ROBO2: variants seen among roughly 807,000 people sequenced by gnomAD.
The protein encoded by ROBO2 is roundabout homolog 2.
Under a neutral mutation model 160.8 loss-of-function variants are expected in ROBO2, and 53 were observed. That is an observed-to-expected ratio of 0.33 (90% CI 0.26 to 0.41). The LOEUF is 0.41. Ranked by LOEUF, ROBO2 falls within the 10% of genes least tolerant of loss-of-function variation. The pLI, the probability that ROBO2 is intolerant of heterozygous loss-of-function variation, is 1.00. For missense variants in ROBO2, 1,577 were observed against 1,722.4 expected (o/e 0.92, Z 1.49); for synonymous variants, 664 against 611.7 (o/e 1.09, Z -1.26).
intron 2 of ROBO2, among the ~76,000 whole-genome samples, chr3:75,962,411 G>A (rs546340444): frequency 6.6e-6 from 1 of 151,960 alleles, no homozygotes; most frequent in Middle Eastern, 3.4e-3. Flanking sequence ...CCAATAATGT[G>A]TTCTAGGTCT....
intron 2 of ROBO2, among the ~76,000 whole-genome samples, chr3:76,465,456 T>G (rs1400866040): frequency 6.6e-6 from 1 of 152,000 alleles, no homozygotes; most frequent in Non-Finnish European, 1.5e-5. Context: ...CCATAAGCCA[T>G]TGTATTTTGC....
chr3:77,240,570 C>T (rs2088882917), intron 2 of ROBO2, among the ~76,000 whole-genome samples: 1 of 152,154 alleles, frequency 6.6e-6, no homozygotes, highest in South Asian at 2.1e-4. Flanking sequence ...TCAAGCGTGG[C>T]CAGAGCGGAC....
At chr3:76,125,382 A>G (rs1047815894) in intron 2 of ROBO2, among the ~76,000 whole-genome samples, 2 of 152,146 alleles carry the variant, frequency 1.3e-5, no homozygotes, top group Non-Finnish European at 1.5e-5. Context: ...TTGCTGGGTC[A>G]AATGGTAGCT....
At chr3:77,294,799 T>A (rs1365911274) in intron 2 of ROBO2, among the ~76,000 whole-genome samples, 1 of 150,568 alleles carries the variant, frequency 6.6e-6, no homozygotes, top group Non-Finnish European at 1.5e-5. Flanking sequence ...ACGGGTAAGC[T>A]GAGGCTAGAT....
At chr3:77,192,614 G>T (rs2081956298) in intron 2 of ROBO2, among the ~76,000 whole-genome samples, 1 of 148,442 alleles carries the variant, frequency 6.7e-6, no homozygotes, top group Admixed American at 6.7e-5. Context: ...CATTAAATTT[G>T]GAAAATCTTT....
intron 24 of ROBO2, among the ~76,000 whole-genome samples, chr3:77,643,185 A>G (rs970515687): frequency 6.6e-6 from 1 of 152,094 alleles, no homozygotes; most frequent in African/African-American, 2.4e-5. Context: ...GCTTCATCTA[A>G]ACGGCTCAGT....
At chr3:76,604,899 A>G (rs1205345818) in intron 2 of ROBO2, among the ~76,000 whole-genome samples, 1 of 152,196 alleles carries the variant, frequency 6.6e-6, no homozygotes, top group East Asian at 1.9e-4. Flanking sequence ...AAGTAATCAA[A>G]TAGATAGCTT....
At chr3:76,446,404 T>C (rs1383286565) in intron 2 of ROBO2, among the ~76,000 whole-genome samples, 1 of 152,128 alleles carries the variant, frequency 6.6e-6, no homozygotes, top group Non-Finnish European at 1.5e-5. Context: ...CACAAACAAG[T>C]GGAAGAACAT....
At chr3:76,744,381 A>G (rs917682050) in intron 2 of ROBO2, among the ~76,000 whole-genome samples, 1 of 148,642 alleles carries the variant, frequency 6.7e-6, no homozygotes, top group Non-Finnish European at 1.5e-5. Flanking sequence ...TCTTTTTGAG[A>G]TAGGGTCTCC....
At chr3:76,088,331 C>T (rs907483820) in intron 2 of ROBO2, among the ~76,000 whole-genome samples, 3 of 151,912 alleles carry the variant, frequency 2.0e-5, no homozygotes, top group African/African-American at 4.8e-5. Flanking sequence ...GGCAGAAAAT[C>T]GGTAAGGACA....
At chr3:76,448,485 T>C (rs1358782693) in intron 2 of ROBO2, among the ~76,000 whole-genome samples, 1 of 152,156 alleles carries the variant, frequency 6.6e-6, no homozygotes, top group Admixed American at 6.6e-5. Context: ...GTTGAAGGGC[T>C]TCTGTGATAC....
chr3:77,310,270 T>A (rs967800855), intron 2 of ROBO2, among the ~76,000 whole-genome samples: 5 of 152,144 alleles, frequency 3.3e-5, no homozygotes, highest in Admixed American at 6.5e-5. Flanking sequence ...TGTAGCCTGA[T>A]GGTATCTAAA....
chr3:76,841,151 TG>T (rs1559587046), intron 2 of ROBO2, among the ~76,000 whole-genome samples: 1 of 152,144 alleles, frequency 6.6e-6, no homozygotes, highest in African/African-American at 2.4e-5. Context: ...ACTAAAATCT[TG>T]TAGCACTGTG....
At chr3:77,480,274 T>C (rs1030686955) in intron 3 of ROBO2, among the ~76,000 whole-genome samples, 6 of 147,000 alleles carry the variant, frequency 4.1e-5, no homozygotes, top group African/African-American at 1.5e-4. Flanking sequence ...TCAATCATTG[T>C]AAAGCTAATA....
At chr3:76,038,498 A>G (rs2067184224) in intron 2 of ROBO2, among the ~76,000 whole-genome samples, 1 of 151,950 alleles carries the variant, frequency 6.6e-6, no homozygotes, top group African/African-American at 2.4e-5. Context: ...CCTGCAACCC[A>G]TGACTGATCA....
rs191520457 is a variant in ROBO2 at position 77,016,511 on chromosome 3, G to T, written c.110-81503G>T. Among the ~76,000 whole-genome samples, 1,420 of 152,120 alleles carry T rather than the reference G, an allele frequency of 9.3e-3. 34 individuals carry two copies. The highest frequency in any genetic ancestry group is 0.032 in the African/African-American group (1,337 of 41,474). On this transcript the variant is annotated intron_variant, in intron 2 of 26. Transcript: ENST00000487694. ...ATTTATCTTTGTAAATCCAGCTTTT[G>T]GCAATAACAATGTTAGTAGCAATAG...
chr3:76,793,397 A>G (rs909811557), intron 2 of ROBO2, among the ~76,000 whole-genome samples: 1 of 151,898 alleles, frequency 6.6e-6, no homozygotes, highest in African/African-American at 2.4e-5. Flanking sequence ...CTTTGGTCAC[A>G]TGGTCACTTT....
chr3:76,314,004 C>G (rs1447350919), intron 2 of ROBO2, among the ~76,000 whole-genome samples: 1 of 152,128 alleles, frequency 6.6e-6, no homozygotes, highest in African/African-American at 2.4e-5. Flanking sequence ...TGACGGGAAA[C>G]TGACTTGTCA....
intron 2 of ROBO2, among the ~76,000 whole-genome samples, chr3:76,689,720 C>T (rs1187189884): frequency 6.6e-6 from 1 of 152,138 alleles, no homozygotes; most frequent in African/African-American, 2.4e-5. Context: ...GAAAGCTTTC[C>T]AGTAGTTCTG....
Sources: allele counts gnomAD v4.1 joint callset (sites outside exome capture counted in the v4.1 genomes callset), GRCh38; gene constraint gnomAD v4.1.1; transcripts MANE v1.5; gene names NCBI Gene and HGNC (gene_info 2026-07-23, HGNC 2026-07-21).